Variants in CHRNA7 observed in about 807,000 individuals in gnomAD.
The protein encoded by CHRNA7 is cholinergic receptor nicotinic alpha 7 subunit.
A neutral mutation model predicts 48.0 loss-of-function variants in CHRNA7; 17 were observed. The ratio of observed to expected loss-of-function variants is 0.35; its 90% confidence interval spans 0.24 to 0.53. The LOEUF is 0.53. Among genes scored for constraint, CHRNA7 ranks in the 20% least tolerant of loss-of-function variants. The pLI, the probability that CHRNA7 is intolerant of heterozygous loss-of-function variation, is 0.92. For synonymous variants in CHRNA7, 75 were observed against 242.3 expected (o/e 0.31, Z 6.41); for missense variants, 155 against 577.7 (o/e 0.27, Z 7.50).
chr15:32,042,317 C>A lies in CHRNA7; in HGVS notation c.195+11280C>A, dbSNP rs541307257. On this transcript the variant is annotated intron_variant, in intron 2 of 9. Transcript: ENST00000306901. ...GTTCAGTATTTCCCTTCCCTTGTGT[C>A]AGGTAAGCTCTCATAATACCCCGGA... 5.3e-5 allele frequency among the ~76,000 whole-genome samples: 8 copies of A among 152,242 alleles called. No individual in the cohort carries two copies. The South Asian group carries it at 1.5e-3, about 28-fold the overall frequency.
rs115379273 is a variant in CHRNA7, at chr15:32,089,414, A to G, written c.196-11889A>G. On this transcript the variant is annotated intron_variant, in intron 2 of 9. Coordinates refer to ENST00000306901, the MANE Select transcript of CHRNA7 (RefSeq NM_000746.6). The stretch of plus-strand genomic sequence containing the variant: ...GTCCAGGCTCCTCATGAGGCCATCA[A>G]ACGCTTTCTTTCTTTTTTCTTTTGA... 6.9e-3 allele frequency among the ~76,000 whole-genome samples: 1,056 copies of G among 152,226 alleles called. 10 individuals carry two copies. Among genetic ancestry groups the G allele is most frequent in the African/African-American group, 0.025 (1,020 of 41,550 alleles).
intron 4 of CHRNA7, among the ~76,000 whole-genome samples, chr15:32,140,633 GGT>G (rs1491106202): frequency 6.6e-6 from 1 of 152,186 alleles, no homozygotes; most frequent in African/African-American, 2.4e-5. Context: ...TGAGAGAGAT[GGT>G]ATCTCATTGT....
At chr15:32,070,291 C>A (rs1490220416) in intron 2 of CHRNA7, among the ~76,000 whole-genome samples, 1 of 152,110 alleles carries the variant, frequency 6.6e-6, no homozygotes, top group Non-Finnish European at 1.5e-5. Flanking sequence ...AACCACTAAT[C>A]TGATTTGTCA....
intron 2 of CHRNA7, among the ~76,000 whole-genome samples, chr15:32,062,490 TA>T (rs2049895196): frequency 6.6e-6 from 1 of 152,218 alleles, no homozygotes; most frequent in South Asian, 2.1e-4. Flanking sequence ...AGTAGACCTG[TA>T]ATTTTCTCTC....
At position 32,137,038 on chromosome 15, in the gene CHRNA7, A is replaced by AATAAAAAAT. The variant is rs1181991467; in HGVS notation, c.351-16868_351-16867insTAAAAAATA. 1.7e-3 allele frequency among the ~76,000 whole-genome samples: 247 copies of AATAAAAAAT among 146,036 alleles called. 5 individuals are homozygous for AATAAAAAAT. The highest frequency in any genetic ancestry group is 6.0e-3 in the African/African-American group (230 of 38,030). On this transcript the variant is annotated intron_variant, in intron 4 of 9. Coordinates refer to ENST00000306901, the MANE Select transcript of CHRNA7 (RefSeq NM_000746.6). ...CAGAGCGAGACTCCGTCTCAAAAAA[A>AATAAAAAAT]AAAAAAAAGAAAAAAAAAAGAAAAC...
chr15:32,107,929 T>C (rs1044613906), intron 3 of CHRNA7, among the ~76,000 whole-genome samples: 3 of 152,158 alleles, frequency 2.0e-5, no homozygotes, highest in African/African-American at 4.8e-5. Context: ...GGGCTCTGTA[T>C]GAATCACAAA....
intron 2 of CHRNA7, chr15:32,100,536 G>A (rs1436053119): frequency 6.5e-6 from 1 of 154,386 alleles, no homozygotes; most frequent in Non-Finnish European, 1.5e-5. Flanking sequence ...GTCACAGCTG[G>A]TACACTAGCC....
chr15:32,136,888 C>T (rs1197337429), intron 4 of CHRNA7, among the ~76,000 whole-genome samples: 2 of 149,974 alleles, frequency 1.3e-5, no homozygotes, highest in Admixed American at 6.6e-5. Flanking sequence ...AAAAATTAGC[C>T]GGGCGTGGTG....
chr15:32,086,249 G>C (rs2050294047), intron 2 of CHRNA7, among the ~76,000 whole-genome samples: 1 of 151,342 alleles, frequency 6.6e-6, no homozygotes, highest in East Asian at 1.9e-4. Context: ...GGCGCCTGTA[G>C]TCCCAGCTAC....
rs141774205 is a variant in CHRNA7, at chr15:32,114,263, T to C, written c.350+2364T>C. Among the ~76,000 whole-genome samples the C allele has an allele frequency of 3.4e-3, 519 of 151,764 alleles. 1 individual carries two copies. Among genetic ancestry groups the C allele is most frequent in the African/African-American group, 0.012 (503 of 41,342 alleles). Reference sequence around the variant, plus strand: ...ATGTGTAGGATCTTTAACTCCAAAATGTAAAATGTTTGATGATTCCAAATG... The same window carrying C: ...ATGTGTAGGATCTTTAACTCCAAAACGTAAAATGTTTGATGATTCCAAATG... On this transcript the variant is annotated intron_variant, in intron 4 of 9. Transcript: ENST00000306901.
intron 4 of CHRNA7, among the ~76,000 whole-genome samples, chr15:32,119,322 A>G (rs539510252): frequency 7.9e-5 from 12 of 152,350 alleles, no homozygotes; most frequent in Middle Eastern, 3.4e-3. Flanking sequence ...TCCTTCATTA[A>G]TGACTTAAGT....
chr15:32,129,419 A>G (rs1057033801), intron 4 of CHRNA7, among the ~76,000 whole-genome samples: 2 of 151,968 alleles, frequency 1.3e-5, no homozygotes, highest in Non-Finnish European at 2.9e-5. Flanking sequence ...TAAAATTATG[A>G]ACTCAATGTG....
intron 3 of CHRNA7, among the ~76,000 whole-genome samples, chr15:32,105,214 C>T (rs981082089): frequency 6.6e-6 from 1 of 152,196 alleles, no homozygotes; most frequent in African/African-American, 2.4e-5. Context: ...TTGGAGCAAC[C>T]TACTCTGTGG....
At chr15:32,094,807 C>T (rs972505177) in intron 2 of CHRNA7, among the ~76,000 whole-genome samples, 2 of 152,124 alleles carry the variant, frequency 1.3e-5, no homozygotes, top group Non-Finnish European at 2.9e-5. Context: ...ACTGCAGGTG[C>T]CTGCCACCGC....
chr15:32,088,437 G>A (rs1246891327), intron 2 of CHRNA7, among the ~76,000 whole-genome samples: 1 of 152,076 alleles, frequency 6.6e-6, no homozygotes, highest in East Asian at 1.9e-4. Context: ...TGAATCATTG[G>A]GTAAATATCT....
intron 4 of CHRNA7, chr15:32,112,283 T>C (rs953349127): frequency 8.7e-6 from 4 of 462,368 alleles, no homozygotes; most frequent in African/African-American, 2.0e-5. Context: ...GATGCACTGC[T>C]GGAGCCCACA....
intron 2 of CHRNA7, among the ~76,000 whole-genome samples, chr15:32,069,848 A>G (rs1251471836): frequency 6.6e-6 from 1 of 152,178 alleles, no homozygotes; most frequent in African/African-American, 2.4e-5. Flanking sequence ...TCTGTTGTGA[A>G]TATTGTGTTA....
intron 4 of CHRNA7, among the ~76,000 whole-genome samples, chr15:32,113,273 T>A (rs2050793861): frequency 6.6e-6 from 1 of 152,204 alleles, no homozygotes; most frequent in South Asian, 2.1e-4. Flanking sequence ...GTCCGTGCCC[T>A]AGTCTCCTCT....
intron 2 of CHRNA7, among the ~76,000 whole-genome samples, chr15:32,083,662 T>C (rs1306405310): frequency 1.3e-5 from 2 of 152,206 alleles, no homozygotes; most frequent in African/African-American, 4.8e-5. Context: ...ACATAGCAAT[T>C]TATTCCTAGC....
Sources: gnomAD v4.1 joint callset for allele counts (sites outside exome capture counted in the v4.1 genomes callset) on GRCh38, gnomAD v4.1.1 for gene constraint, MANE v1.5 for transcripts, NCBI Gene and HGNC (gene_info 2026-07-23, HGNC 2026-07-21) for gene names.